The following MBD1 variants were observed in gnomAD, a reference collection of about 807,000 sequenced individuals.
MBD1 encodes methyl-CpG binding domain protein 1.
Under a neutral mutation model 82.6 loss-of-function variants are expected in MBD1, and 25 were observed. The ratio of observed to expected loss-of-function variants is 0.30; its 90% CI spans 0.22 to 0.42. The LOEUF is 0.42. MBD1 is among the 10% of genes least tolerant of loss of function. The pLI, the probability that MBD1 is intolerant of heterozygous loss-of-function variation, is 1.00. For missense variants in MBD1, 627 were observed against 819.6 expected, an observed-to-expected ratio of 0.76 and a Z score of 2.87; for synonymous variants, 301 against 303.7, an observed-to-expected ratio of 0.99 and a Z score of 0.09.
downstream of MBD1, among the ~76,000 whole-genome samples, chr18:50,267,991 G>A (rs2034119372): frequency 6.6e-6 from 1 of 152,078 alleles, no homozygotes; most frequent in African/African-American, 2.4e-5. Context: ...TTTCTATAAC[G>A]GTTCTTTCAA....
At chr18:50,277,334 A>G in intron 2 of MBD1, 130 bp from the exon 3 acceptor site, 1 of 690,522 alleles carries the variant, frequency 1.4e-6, no homozygotes, top group Non-Finnish European at 2.7e-6. Flanking sequence ...CCCAGCCCCC[A>G]CCTCAACTAA....
At position 50,269,386 on chromosome 18, in the gene MBD1, G is replaced by C; in HGVS notation, c.*465C>G. 8.3e-7 allele frequency: 1 copy of C among 1,200,534 alleles called. No individual in the cohort carries two copies. The highest frequency in any genetic ancestry group is 1.1e-6 in the Non-Finnish European group (1 of 895,320). 74.4% of individuals were successfully genotyped at this position (1,200,534 alleles called of 1,614,324 possible). ...TCCCGGAACTCTCTTCCAGTAAGAT[G>C]GGCCACAAGAGACATTTTGCTTGAT... On this transcript the variant is annotated 3_prime_UTR_variant, in exon 17 of 17. Transcript: ENST00000269468.
At chr18:50,267,727 A>C, downstream of MBD1, 8 of 1,065,918 alleles carry the variant, frequency 7.5e-6, no homozygotes, top group Non-Finnish European at 8.4e-6. Context: ...AGCATAGAAC[A>C]CTTGTGAGCA....
At position 50,269,465 on chromosome 18, in the gene MBD1, G is replaced by T. The variant is rs2034562527; in HGVS notation, c.*386C>A. ...ACATTGTTTTTACACTTGGAAGGTT[G>T]GTGCTGGGGCACCAGGCGTTGTTGC... On this transcript the variant is annotated 3_prime_UTR_variant, in exon 17 of 17. Coordinates refer to ENST00000269468, the MANE Select transcript of MBD1 (RefSeq NM_015846.4). The T allele has an allele frequency of 2.7e-6, 2 of 741,274 alleles. No individual in the cohort carries two copies. The highest frequency in any genetic ancestry group is 4.6e-6 in the Non-Finnish European group (2 of 434,112). 45.9% of individuals were successfully genotyped at this position (741,274 alleles called of 1,614,324 possible).
At chr18:50,268,607 C>T (rs1483213510), downstream of MBD1, among the ~76,000 whole-genome samples, 1 of 152,250 alleles carries the variant, frequency 6.6e-6, no homozygotes, top group Non-Finnish European at 1.5e-5. Context: ...CGGGCTTTCT[C>T]GCCCCGGCGC....
downstream of MBD1, among the ~76,000 whole-genome samples, chr18:50,268,079 G>A (rs922398496): frequency 2.0e-5 from 3 of 152,250 alleles, no homozygotes; most frequent in Non-Finnish European, 4.4e-5. Context: ...AAATTAGGTG[G>A]TCGTCTCGGT....
chr18:50,275,230 G>C lies in MBD1; in HGVS notation c.808C>G (p.Arg270Gly), dbSNP rs573408638. 1 of 1,614,128 alleles carries C rather than the reference G, an allele frequency of 6.2e-7. No individual in the cohort carries two copies. Among genetic ancestry groups the C allele is most frequent in the Non-Finnish European group, 8.5e-7 (1 of 1,180,002 alleles). The change falls in exon 9 of 17, where the codon CGC (arginine) becomes GGC (glycine). Residue 270 changes from arginine to glycine, a missense_variant. Physicochemically the swap from Arg to Gly is moderately radical, Grantham distance 125. Coordinates refer to ENST00000269468, the MANE Select transcript of MBD1 (RefSeq NM_015846.4). ...RRCLRGKHAR[R>G]KGGCDSKMAA... ...ATCTTGGAGTCACAGCCTCCCTTGC[G>C]GCGGGCATGTTTACCCTGGGAAAGA... is the stretch of plus-strand genomic sequence containing the variant.
At chr18:50,280,238 T>C (rs958774661) in intron 1 of MBD1, among the ~76,000 whole-genome samples, 6 of 152,246 alleles carry the variant, frequency 3.9e-5, no homozygotes, top group Admixed American at 3.9e-4. Flanking sequence ...CAAGGATCCC[T>C]GTTTCTTATT....
At position 50,281,484 on chromosome 18, in the gene MBD1, G is replaced by A. The variant is rs1004595935; in HGVS notation, c.-147C>T. 8.5e-6 allele frequency: 5 copies of A among 588,298 alleles called. No homozygotes were observed. Among genetic ancestry groups the A allele is most frequent in the Middle Eastern group, 4.4e-4 (1 of 2,284 alleles). The allele number at this position is 588,298 out of a possible 1,614,324, so 36.4% of individuals were successfully genotyped here. A position where few individuals can be genotyped will look rare whatever the true frequency, so the allele number is the denominator to read the frequency against. ...CTCCTCCTCCGCGGCCGCCTCCTCT[G>A]AAGCGGTAGCTGTCGCCTCCGCGGC... On this transcript the variant is annotated 5_prime_UTR_variant, in exon 1 of 17. Transcript: ENST00000269468.
intron 2 of MBD1, among the ~76,000 whole-genome samples, chr18:50,277,918 G>A (rs985271498): frequency 3.3e-5 from 5 of 152,132 alleles, no homozygotes; most frequent in East Asian, 1.9e-4. Context: ...CCCTCTTCAC[G>A]TCATGCTGTA....
At chr18:50,276,010 G>A (rs768930577) in intron 6 of MBD1, 29 bp from the exon 7 acceptor site, 16 of 1,603,288 alleles carry the variant, frequency 1.0e-5, no homozygotes, top group Admixed American at 3.4e-5. Flanking sequence ...ACGAGATCAC[G>A]GGCCTGCTCC....
At position 50,269,456 on chromosome 18, in the gene MBD1, T is replaced by C. The variant is rs1021599745; in HGVS notation, c.*395A>G. 3.9e-6 allele frequency: 3 copies of C among 767,014 alleles called. No homozygotes were observed. Among genetic ancestry groups the C allele is most frequent in the East Asian group, 2.7e-5 (1 of 37,162 alleles). The allele number at this position is 767,014 out of a possible 1,614,324, so 47.5% of individuals were successfully genotyped here. On this transcript the variant is annotated 3_prime_UTR_variant, in exon 17 of 17. Transcript: ENST00000269468. ...AGCAGCAGCACATTGTTTTTACACT[T>C]GGAAGGTTGGTGCTGGGGCACCAGG...
chr18:50,273,941 G>C (rs1306405357), intron 11 of MBD1, 78 bp from the exon 12 acceptor site: 106 of 1,547,466 alleles, frequency 6.8e-5, no homozygotes, highest in Non-Finnish European at 8.8e-5. Flanking sequence ...CCACATGCCT[G>C]CTAATCTCCC....
At chr18:50,271,024 A>G (rs573533546) in intron 16 of MBD1, 1 of 1,006,806 alleles carries the variant, frequency 9.9e-7, no homozygotes, top group South Asian at 4.1e-5. Context: ...AACTGGGTCC[A>G]CAGAGGAACA....
rs1391938551 is a variant in MBD1, at chr18:50,275,134, C to A, written c.904G>T (p.Glu302Ter). ...PPPSQSPEPT[E>*]PHPRALAPSP... The stretch of plus-strand genomic sequence containing the variant: ...TCCACCCACTGGGGCCTCACCGGCT[C>A]TGTGGGCTCTGGGGACTGTGATGGG... Residue 302 changes from glutamate (E) to a stop codon, truncating the protein, a stop_gained, in exon 9 of 17, where the codon GAG becomes TAG. Transcript: ENST00000269468. LOFTEE classifies it high-confidence loss of function. 6.2e-7 allele frequency: 1 copy of A among 1,613,858 alleles called. No individual in the cohort carries two copies. Among genetic ancestry groups the A allele is most frequent in the African/African-American group, 1.3e-5 (1 of 74,930 alleles).
rs996167704 is a variant in MBD1 at position 50,269,802 on chromosome 18, A to G, written c.*49T>C. The G allele has an allele frequency of 1.3e-6, 1 of 788,374 alleles. No homozygotes were observed. Among genetic ancestry groups the G allele is most frequent in the East Asian group, 2.4e-5 (1 of 41,280 alleles). 48.8% of individuals were successfully genotyped at this position (788,374 alleles called of 1,614,324 possible). On this transcript the variant is annotated 3_prime_UTR_variant, in exon 17 of 17. Transcript: ENST00000269468. ...ACTTTACATCCATCTTCCCTTCCCGAGTGCCTGCCCTGCAGACTTCAAGCT... is the reference window on the plus strand; with the variant it reads ...ACTTTACATCCATCTTCCCTTCCCGGGTGCCTGCCCTGCAGACTTCAAGCT...
intron 11 of MBD1, 24 bp downstream of exon 11, chr18:50,274,162 C>T (rs1261559184): frequency 6.2e-7 from 1 of 1,613,202 alleles, no homozygotes; most frequent in Non-Finnish European, 8.5e-7. Context: ...ATCCCGTCCA[C>T]CTGACCCTTC....
At chr18:50,274,505 T>A in intron 10 of MBD1, 152 bp from the exon 11 acceptor site, 1 of 805,874 alleles carries the variant, frequency 1.2e-6, no homozygotes, top group Non-Finnish European at 1.9e-6. Flanking sequence ...CACTAGTCAC[T>A]CCTCAGCATT....
In MBD1 at chr18:50,269,708, T is replaced by C. The variant is rs1244453274; in HGVS notation, c.*143A>G. 1.0e-5 allele frequency: 8 copies of C among 780,552 alleles called. No individual in the cohort carries two copies. Among genetic ancestry groups the C allele is most frequent in the Admixed American group, 1.7e-5 (1 of 58,958 alleles). 48.4% of individuals were successfully genotyped at this position (780,552 alleles called of 1,614,324 possible). A position where few individuals can be genotyped will look rare whatever the true frequency, so the allele number is the denominator to read the frequency against. On this transcript the variant is annotated 3_prime_UTR_variant, in exon 17 of 17. Transcript: ENST00000269468. ...AGCTGGAGGTGGTGAGAGACTGACATGGGTTCCAGGCCATCCTCGTGGGTT... is the reference window on the plus strand; with the variant it reads ...AGCTGGAGGTGGTGAGAGACTGACACGGGTTCCAGGCCATCCTCGTGGGTT...
Sources: gnomAD v4.1 joint callset for allele counts (sites outside exome capture counted in the v4.1 genomes callset) on GRCh38, gnomAD v4.1.1 for gene constraint, MANE v1.5 for transcripts, NCBI Gene and HGNC (gene_info 2026-07-23, HGNC 2026-07-21) for gene names.